The following RIN2 variants were observed in gnomAD, a reference collection of about 807,000 sequenced individuals.
The protein encoded by RIN2 is Ras and Rab interactor 2, also known as RAB5 interacting protein 2.
Under a neutral mutation model 78.0 loss-of-function variants are expected in RIN2, and 36 were observed. That is an observed-to-expected ratio of 0.46 (90% CI 0.35 to 0.61). RIN2 has a LOEUF of 0.61. Among genes scored for constraint, RIN2 ranks in the 20% least tolerant of loss-of-function variants. RIN2 has a pLI of 0.00. For missense variants in RIN2, 1,087 were observed against 1,159.7 expected (o/e 0.94, Z 0.91); for synonymous variants, 466 against 466.8 (o/e 1.00, Z 0.02).
Position 19,949,983 on chromosome 20 carries a change from G to A in RIN2, c.159-6632G>A, listed in dbSNP as rs76618869. Among the ~76,000 whole-genome samples the A allele has an allele frequency of 6.4e-4, 97 of 152,274 alleles. 2 individuals carry two copies. The highest frequency in any genetic ancestry group is 2.0e-3 in the African/African-American group (82 of 41,560). ...CACTTACTCTCCCACCTGCTCAGGC[G>A]ACTAATGTTGGGCCATGGGAAGGAA... On this transcript the variant is annotated intron_variant, in intron 4 of 12. Coordinates refer to ENST00000255006, the MANE Select transcript of RIN2 (RefSeq NM_018993.4).
At chr20:19,938,095 T>C (rs2040720957) in intron 4 of RIN2, among the ~76,000 whole-genome samples, 1 of 152,190 alleles carries the variant, frequency 6.6e-6, no homozygotes, top group African/African-American at 2.4e-5. Flanking sequence ...CCTGGGATCC[T>C]CTTAGCTGTC....
In RIN2 at chr20:19,991,328, A is replaced by C. The variant is rs961591252; in HGVS notation, c.2069-840A>C. 1.7e-4 allele frequency among the ~76,000 whole-genome samples: 26 copies of C among 152,230 alleles called. 1 individual carries two copies. The highest frequency in any genetic ancestry group is 2.9e-5 in the Non-Finnish European group (2 of 68,038). On this transcript the variant is annotated intron_variant, in intron 10 of 12. Transcript: ENST00000255006. Reference sequence around the variant, plus strand: ...GTTATTTATAAAAATTCCCCAAATAATATCTGAATATCTGAATTCCCCAAA... The same window carrying C: ...GTTATTTATAAAAATTCCCCAAATACTATCTGAATATCTGAATTCCCCAAA...
Position 19,975,184 on chromosome 20 carries a change from G to C in RIN2, c.1159G>C (p.Glu387Gln), listed in dbSNP as rs566809436. Residue 387 changes from glutamate (E) to glutamine (Q), a missense_variant, in exon 9 of 13, where the codon GAG becomes CAG. Physicochemically the swap from Glu to Gln is conservative, Grantham distance 29. Around this residue, in one of 8 missense-constraint regions of RIN2, gnomAD observed 706 missense variants for 667.5 expected, o/e 1.06. Transcript: ENST00000255006. This position sits in a 1 kb window ranked among gnomAD's most constrained non-coding sequence, Gnocchi z 4.9. ...CGGCGGCCGGCCGGGCGCAGGCCCG[G>C]AGCTGGAGCTGGGCACAGCTGGCAG... ...LSGGRPGAGP[E>Q]LELGTAGSPG... 1 of 1,607,508 alleles carries C rather than the reference G, an allele frequency of 6.2e-7. No homozygotes were observed. The highest frequency in any genetic ancestry group is 2.2e-5 in the East Asian group (1 of 44,656).
intron 1 of RIN2, among the ~76,000 whole-genome samples, chr20:19,786,938 G>A (rs2034696530): frequency 6.6e-6 from 1 of 152,104 alleles, no homozygotes; most frequent in Non-Finnish European, 1.5e-5. Flanking sequence ...ATTGCTTTTG[G>A]TGAAAGTAAA....
intron 1 of RIN2, among the ~76,000 whole-genome samples, chr20:19,767,851 A>G (rs6112566): frequency 0.75 from 112,707 of 149,788 alleles, 42,836 homozygotes; most frequent in East Asian, 0.8. Flanking sequence ...CTTGAACCTG[A>G]GAGGCAGAGG....
At chr20:19,836,477 C>G (rs1481357318) in intron 2 of RIN2, among the ~76,000 whole-genome samples, 1 of 152,154 alleles carries the variant, frequency 6.6e-6, no homozygotes, top group Non-Finnish European at 1.5e-5. Flanking sequence ...CTAATTAGAT[C>G]TAACTTAATT....
chr20:19,930,987 A>G (rs891233073), intron 3 of RIN2, among the ~76,000 whole-genome samples: 2 of 152,170 alleles, frequency 1.3e-5, no homozygotes, highest in African/African-American at 4.8e-5. Flanking sequence ...GGTGGTGCCT[A>G]TCTGCAATCC....
At chr20:19,784,336 A>ATG (rs1055746402) in intron 1 of RIN2, among the ~76,000 whole-genome samples, 2 of 149,444 alleles carry the variant, frequency 1.3e-5, no homozygotes, top group African/African-American at 2.5e-5. Flanking sequence ...GTGTGTGTGT[A>ATG]TGTGTGTGTG....
At chr20:19,979,589 T>C (rs1408614283) in intron 9 of RIN2, among the ~76,000 whole-genome samples, 1 of 152,160 alleles carries the variant, frequency 6.6e-6, no homozygotes, top group Non-Finnish European at 1.5e-5. Context: ...CAATCACAAC[T>C]ACTCTGGTTC....
intron 11 of RIN2, among the ~76,000 whole-genome samples, chr20:19,993,046 A>C (rs2042844145): frequency 6.6e-6 from 1 of 152,180 alleles, no homozygotes. Context: ...ATGTCTTAGC[A>C]GAAATTCCTT....
chr20:19,808,671 G>A (rs181135511), intron 2 of RIN2, among the ~76,000 whole-genome samples: 2 of 152,210 alleles, frequency 1.3e-5, no homozygotes, highest in African/African-American at 4.8e-5. Flanking sequence ...CTGTCCACAG[G>A]TCACTGGCAA....
intron 2 of RIN2, among the ~76,000 whole-genome samples, chr20:19,867,144 T>C (rs537037411): frequency 2.6e-5 from 4 of 152,272 alleles, no homozygotes; most frequent in South Asian, 4.1e-4. Context: ...TTTACCATAT[T>C]TGTTTTATTT....
intron 3 of RIN2, among the ~76,000 whole-genome samples, chr20:19,916,259 C>G (rs933060009): frequency 6.6e-6 from 1 of 151,996 alleles, no homozygotes; most frequent in Non-Finnish European, 1.5e-5. Context: ...AACAAACAAA[C>G]AAAACTGAAA....
chr20:19,783,938 G>A (rs544543245), intron 1 of RIN2, among the ~76,000 whole-genome samples: 1 of 152,306 alleles, frequency 6.6e-6, no homozygotes, highest in African/African-American at 2.4e-5. Flanking sequence ...GATGCTGGCT[G>A]TGTGGAGTCC....
intron 3 of RIN2, among the ~76,000 whole-genome samples, chr20:19,925,425 T>G (rs943580335): frequency 6.6e-6 from 1 of 152,208 alleles, no homozygotes; most frequent in African/African-American, 2.4e-5. Flanking sequence ...CAATAAGCAA[T>G]GGCCATATTG....
chr20:19,769,742 C>T (rs969877928), intron 1 of RIN2, among the ~76,000 whole-genome samples: 1 of 152,182 alleles, frequency 6.6e-6, no homozygotes, highest in Non-Finnish European at 1.5e-5. Context: ...AGCAGAATAA[C>T]ATGACAGGGC....
intron 2 of RIN2, among the ~76,000 whole-genome samples, chr20:19,810,845 C>T (rs1363349387): frequency 1.3e-5 from 2 of 150,040 alleles, no homozygotes; most frequent in African/African-American, 4.9e-5. Context: ...AGGCACCCAC[C>T]ACCATGCCCG....
intron 3 of RIN2, among the ~76,000 whole-genome samples, chr20:19,904,240 AATAT>A (rs1194516982): frequency 2.3e-4 from 21 of 91,698 alleles, no homozygotes; most frequent in South Asian, 9.6e-4. Flanking sequence ...TCAAAAAAAA[AATAT>A]ATATATATAT....
chr20:19,889,742 G>A (rs2123494253), intron 3 of RIN2, 84 bp downstream of exon 3: 2 of 1,111,574 alleles, frequency 1.8e-6, no homozygotes, highest in Non-Finnish European at 2.5e-6. Flanking sequence ...GAGCTGCTGA[G>A]GGAAGTCTGC....
Sources: gnomAD v4.1 joint callset for allele counts (sites outside exome capture counted in the v4.1 genomes callset) on GRCh38, gnomAD v4.1.1 for gene constraint, gnomAD v4.1.1 regional missense constraint, Gnocchi (gnomAD v3.1) non-coding constraint, MANE v1.5 for transcripts, NCBI Gene and HGNC (gene_info 2026-07-23, HGNC 2026-07-21) for gene names.